The following FGD1 variants were observed in gnomAD, a reference collection of about 807,000 sequenced individuals.
FGD1 encodes FYVE, RhoGEF and PH domain-containing protein 1.
Under a neutral mutation model 65.0 loss-of-function variants are expected in FGD1, and 12 were observed. That is an observed-to-expected ratio of 0.18 (90% CI 0.12 to 0.30). FGD1 has a LOEUF of 0.30. FGD1 is among the 10% of genes least tolerant of loss of function. The pLI is 1.00. For missense variants in FGD1, 542 were observed against 837.6 expected, an observed-to-expected ratio of 0.65 and a Z score of 4.36; for synonymous variants, 333 against 343.9, an observed-to-expected ratio of 0.97 and a Z score of 0.35.
intron 1 of FGD1, among the ~76,000 whole-genome samples, chrX:54,487,829 A>T (rs777011578): frequency 3.7e-4 from 41 of 110,422 alleles, no homozygotes; most frequent in African/African-American, 1.3e-3. Flanking sequence ...GGGCGCCTGT[A>T]ATCCCAGCTA....
Position 54,470,620 on chromosome X carries a change from A to G in FGD1, c.622T>C (p.Ser208Pro), listed in dbSNP as rs148139633. 1.1e-4 allele frequency: 128 copies of G among 1,193,849 alleles called. 1 individual carries two copies. The African/African-American group carries it at 2.2e-3, about 20-fold the overall frequency. Residue 208 changes from serine (S) to proline (P), a missense_variant, in exon 3 of 18, where the codon TCT becomes CCT. This residue lies in a region of FGD1 where 297 missense variants were observed against 326.8 expected (regional missense o/e 0.91). Transcript: ENST00000375135. ...LAPRAEASPS[S>P]AAVSSLIEKF... Reference sequence around the variant, plus strand: ...TCAATCAGTGAGGATACTGCTGCAGAACTGGGGCTGGCCTCTGCCCTGGGA... The same window carrying G: ...TCAATCAGTGAGGATACTGCTGCAGGACTGGGGCTGGCCTCTGCCCTGGGA...
intron 12 of FGD1, among the ~76,000 whole-genome samples, chrX:54,450,625 C>T (rs1429042597): frequency 9.0e-6 from 1 of 111,280 alleles, no homozygotes; most frequent in Admixed American, 9.6e-5. Context: ...GCCAAGGAGC[C>T]CAGAGGAGGT....
At chrX:54,479,111 T>C (rs1923084180) in intron 1 of FGD1, among the ~76,000 whole-genome samples, 1 of 112,699 alleles carries the variant, frequency 8.9e-6, no homozygotes, top group Non-Finnish European at 1.9e-5. Context: ...CTTGCAAAAA[T>C]TGTTTCTGGT....
chrX:54,465,128 C>T (rs1252280776), intron 8 of FGD1, among the ~76,000 whole-genome samples: 1 of 107,242 alleles, frequency 9.3e-6, no homozygotes, highest in Admixed American at 1.0e-4. Context: ...GGGCATGCCA[C>T]TCAAACTCTG....
At chrX:54,447,245 A>G in intron 17 of FGD1, 66 bp downstream of exon 17, 1 of 1,127,847 alleles carries the variant, frequency 8.9e-7, no homozygotes, top group South Asian at 1.8e-5. Flanking sequence ...AAGGCCAAGG[A>G]GAGGTCAAGG....
chrX:54,450,941 CAG>C (rs1430876133), intron 12 of FGD1, among the ~76,000 whole-genome samples: 5 of 109,884 alleles, frequency 4.6e-5, no homozygotes, highest in South Asian at 4.0e-4. Flanking sequence ...CCCAGCTACT[CAG>C]GGGGCTGAGG....
At chrX:54,466,757 T>TTG (rs76453113) in intron 6 of FGD1, among the ~76,000 whole-genome samples, 3 of 96,188 alleles carry the variant, frequency 3.1e-5, no homozygotes, top group African/African-American at 1.4e-4. Flanking sequence ...GTTTGTTTGT[T>TTG]TTTTTTTTTT....
intron 12 of FGD1, among the ~76,000 whole-genome samples, chrX:54,454,420 C>T (rs1004156019): frequency 9.9e-5 from 11 of 111,588 alleles, no homozygotes; most frequent in African/African-American, 3.2e-4. Flanking sequence ...GAGGCCAAGG[C>T]GGGCAGATCA....
intron 1 of FGD1, among the ~76,000 whole-genome samples, chrX:54,474,651 GC>G (rs746084737): frequency 8.0e-5 from 9 of 112,951 alleles, no homozygotes; most frequent in Middle Eastern, 4.7e-3. Flanking sequence ...GCACATCCTG[GC>G]CTGGTCTTGC....
intron 1 of FGD1, among the ~76,000 whole-genome samples, chrX:54,483,704 C>A (rs1211264128): frequency 9.0e-6 from 1 of 111,555 alleles, no homozygotes; most frequent in Non-Finnish European, 1.9e-5. Context: ...CTCAGCACAT[C>A]GTGAACGACA....
Position 54,448,862 on chromosome X carries a change from C to T in FGD1, c.2380G>A (p.Gly794Arg), listed in dbSNP as rs1922307661. ...TGCTGGCTGCAGGCTGGACTGCTCC[C>T]AGGCACCCCGTGCAAGGCCACATAG... ...DCYVALHGVP[G>R]SSPACSQHTP... Residue 794 changes from glycine to arginine, a missense_variant, in exon 16 of 18, where the codon GGG becomes AGG. Around this residue, in one of 6 missense-constraint regions of FGD1, gnomAD observed 182 missense variants for 311.4 expected, o/e 0.58. Coordinates refer to ENST00000375135, the MANE Select transcript of FGD1 (RefSeq NM_004463.3). 8.3e-7 allele frequency: 1 copy of T among 1,211,850 alleles called. No homozygotes were observed.
At chrX:54,458,895 T>C (rs1156325809) in intron 8 of FGD1, among the ~76,000 whole-genome samples, 1 of 112,092 alleles carries the variant, frequency 8.9e-6, no homozygotes, top group East Asian at 2.8e-4. Flanking sequence ...ATAAATTAGC[T>C]CCTTCAACCC....
At chrX:54,488,269 CAAAAAAAAAAAAAAAAAAA>C (rs57920117) in intron 1 of FGD1, among the ~76,000 whole-genome samples, 3 of 5,464 alleles carry the variant, frequency 5.5e-4, no homozygotes, top group African/African-American at 9.9e-4. Context: ...GACTCAGTCT[CAAAAAAAAAAAAAAAAAAA>C]AAAAAAAAAA....
chrX:54,461,034 G>A (rs1439976505), intron 8 of FGD1, among the ~76,000 whole-genome samples: 1 of 111,825 alleles, frequency 8.9e-6, no homozygotes, highest in Non-Finnish European at 1.9e-5. Context: ...ATATACAGTT[G>A]AGAAAATGGA....
chrX:54,454,207 T>C (rs1479782486), intron 12 of FGD1, among the ~76,000 whole-genome samples: 1 of 111,896 alleles, frequency 8.9e-6, no homozygotes, highest in East Asian at 2.8e-4. Context: ...GTACACTAGA[T>C]GGTCTAGCCT....
Position 54,445,953 on chromosome X carries a change from ATGAAT to A in FGD1, c.*151_*155del. On this transcript the variant is annotated 3_prime_UTR_variant, in exon 18 of 18. Coordinates refer to ENST00000375135, the MANE Select transcript of FGD1 (RefSeq NM_004463.3). ...TTAAAAGCCCACGTTTTGTGAAAAG[ATGAAT>A]TAAAAAACCCAAGACCCAGCATTCG... The A allele has an allele frequency of 1.1e-5, 5 of 444,762 alleles. No individual in the cohort carries two copies. The highest frequency in any genetic ancestry group is 2.0e-5 in the Non-Finnish European group (5 of 255,478). The allele number at this position is 444,762 out of a possible 1,213,427, so 36.7% of individuals were successfully genotyped here.
chrX:54,490,759 G>A (rs991155662), intron 1 of FGD1, among the ~76,000 whole-genome samples: 1 of 111,392 alleles, frequency 9.0e-6, no homozygotes, highest in Non-Finnish European at 1.9e-5. Flanking sequence ...CCAGGTCACT[G>A]TAGTTGGTTT....
At chrX:54,472,147 GTGCACCT>G (rs1212535552) in intron 1 of FGD1, among the ~76,000 whole-genome samples, 1 of 110,207 alleles carries the variant, frequency 9.1e-6, no homozygotes, top group African/African-American at 3.3e-5. Flanking sequence ...GCAGTGTGGT[GTGCACCT>G]GTATTCCCAG....
rs1923003278 is a variant in FGD1 at position 54,475,791 on chromosome X, G to A, written c.308-4304C>T. 2.7e-5 allele frequency among the ~76,000 whole-genome samples: 3 copies of A among 112,343 alleles called. No homozygotes were observed. The South Asian group carries it at 1.1e-3, about 41-fold the overall frequency. ...AAATAGAAACTTCTCAGCTAGGCCG[G>A]GCGCGGTGGCTCACGCCTTTATTCC... On this transcript the variant is annotated intron_variant, in intron 1 of 17. Coordinates refer to ENST00000375135, the MANE Select transcript of FGD1 (RefSeq NM_004463.3).
Sources: gnomAD v4.1 joint callset for allele counts (sites outside exome capture counted in the v4.1 genomes callset) on GRCh38, gnomAD v4.1.1 for gene constraint, gnomAD v4.1.1 regional missense constraint, MANE v1.5 for transcripts, NCBI Gene and HGNC (gene_info 2026-07-23, HGNC 2026-07-21) for gene names.